TTC17: variants seen among roughly 807,000 people sequenced by gnomAD.
TTC17 encodes the protein tetratricopeptide repeat protein 17.
TTC17 carries 58 observed loss-of-function variants against 143.8 expected under a neutral mutation model. That is an observed-to-expected ratio of 0.40 (90% confidence interval 0.33 to 0.50). The LOEUF is 0.50. Ranked by LOEUF, TTC17 falls within the 20% of genes least tolerant of loss-of-function variation. The pLI is 0.49. For synonymous variants in TTC17, 501 were observed against 497.8 expected (o/e 1.01, Z -0.09); for missense variants, 1,273 against 1,392.5 (o/e 0.91, Z 1.37).
At chr11:43,458,430 A>G (rs914071938) in intron 21 of TTC17, among the ~76,000 whole-genome samples, 8 of 152,204 alleles carry the variant, frequency 5.3e-5, no homozygotes, top group Non-Finnish European at 7.3e-5. Flanking sequence ...CAAAGCCTAG[A>G]AACTCATAGA....
rs1402547685 is a variant in TTC17 at position 43,492,142 on chromosome 11, G to A, written c.3273G>A (p.Leu1091=). 6.2e-7 allele frequency: 1 copy of A among 1,613,896 alleles called. No homozygotes were observed. Among genetic ancestry groups the A allele is most frequent in the East Asian group, 2.2e-5 (1 of 44,880 alleles). ...ACTTTGCTGTGAACCACTTCACTCT[G>A]GGCAATGTCTACGTGGCAATGGTGA... The part of the protein sequence containing the change: ...APHFAVNHFT[L]GNVYVAMEEF... Residue 1091 remains leucine (L), a synonymous_variant, in exon 23 of 24, where the codon CTG becomes CTA. Coordinates refer to ENST00000039989, the MANE Select transcript of TTC17 (RefSeq NM_018259.6).
rs376602366 is a variant in TTC17 at position 43,443,426 on chromosome 11, G to A, written c.2353G>A (p.Ala785Thr). ...GGCTTTGGTGGATGAATTTCAACAG[G>A]CATGGCCTTTGGAAGGCTTTGGGGG... is the stretch of plus-strand genomic sequence containing the variant. ...ILALVDEFQQ[A>T]WPLEGFGGAL... The change falls in exon 17 of 24, where the codon GCA (alanine) becomes ACA (threonine). Residue 785 changes from alanine to threonine, a missense_variant. Coordinates refer to ENST00000039989, the MANE Select transcript of TTC17 (RefSeq NM_018259.6). 4.8e-5 allele frequency: 78 copies of A among 1,614,042 alleles called. 1 individual carries two copies. The highest frequency in any genetic ancestry group is 2.4e-4 in the African/African-American group (18 of 74,926).
rs73530629 is a variant in TTC17, at chr11:43,443,228, G to A, written c.2252-97G>A. The A allele has an allele frequency of 1.9e-3, 2,739 of 1,469,076 alleles. 48 individuals are homozygous for A. The African/African-American group carries it at 0.033, about 18-fold the overall frequency. The allele number at this position is 1,469,076 out of a possible 1,614,324, so 91.0% of individuals were successfully genotyped here. The stretch of plus-strand genomic sequence containing the variant: ...TGGGCTATAGTAGTGCCTCTAAGCA[G>A]AGCCAAAACGTTTCTCCAAAAGCAG... On this transcript the variant is annotated intron_variant, in intron 16 of 23. Coordinates refer to ENST00000039989, the MANE Select transcript of TTC17 (RefSeq NM_018259.6).
intron 21 of TTC17, among the ~76,000 whole-genome samples, chr11:43,451,646 T>C (rs1202854836): frequency 6.6e-6 from 1 of 152,228 alleles, no homozygotes; most frequent in East Asian, 1.9e-4. Flanking sequence ...CTTTGAAATG[T>C]CTTTTCTCTT....
chr11:43,391,589 C>A lies in TTC17; in HGVS notation c.531+13C>A. Reference sequence around the variant, plus strand: ...TCAGCACTTGAGAGTAAGTAGAGAACTTTAGGATTTTTTTTTTTTTGCGTT... The same window carrying A: ...TCAGCACTTGAGAGTAAGTAGAGAAATTTAGGATTTTTTTTTTTTTGCGTT... On this transcript the variant is annotated intron_variant, in intron 4 of 23. Transcript: ENST00000039989. 7.0e-7 allele frequency: 1 copy of A among 1,433,996 alleles called. No homozygotes were observed. Among genetic ancestry groups the A allele is most frequent in the Non-Finnish European group, 9.3e-7 (1 of 1,076,632 alleles). 88.8% of individuals were successfully genotyped at this position (1,433,996 alleles called of 1,614,324 possible). A position where few individuals can be genotyped will look rare whatever the true frequency, so the allele number is the denominator to read the frequency against.
chr11:43,418,111 T>G (rs1319900639), intron 16 of TTC17, among the ~76,000 whole-genome samples: 1 of 152,256 alleles, frequency 6.6e-6, no homozygotes, highest in Non-Finnish European at 1.5e-5. Context: ...AAAAAAATTT[T>G]TTTGTACTTA....
At chr11:43,398,863 A>ACCTTTTTACT (rs1857726550) in intron 8 of TTC17, among the ~76,000 whole-genome samples, 1 of 152,194 alleles carries the variant, frequency 6.6e-6, no homozygotes, top group South Asian at 2.1e-4. Context: ...TTAAGGCATA[A>ACCTTTTTACT]TGTGGTAGGA....
intron 2 of TTC17, among the ~76,000 whole-genome samples, chr11:43,383,608 G>A (rs10838098): frequency 0.31 from 46,070 of 151,004 alleles, 8,162 homozygotes; most frequent in East Asian, 0.47. Context: ...AGGTGGATCC[G>A]CCCACCTTGG....
chr11:43,429,132 G>C (rs1160396276), intron 16 of TTC17, among the ~76,000 whole-genome samples: 5 of 152,136 alleles, frequency 3.3e-5, no homozygotes, highest in Non-Finnish European at 7.4e-5. Context: ...CAGCAACCTA[G>C]GTTTCACCCA....
chr11:43,391,806 T>G lies in TTC17; in HGVS notation c.532-15T>G, dbSNP rs201649776. On this transcript the variant is annotated splice_polypyrimidine_tract_variant and intron_variant, in intron 4 of 23. Coordinates refer to ENST00000039989, the MANE Select transcript of TTC17 (RefSeq NM_018259.6). ...ATCCTTTGATATGTCTTTTGAATCT[T>G]TTTCTTCTCTTCAGGGTGTACAGGA... The G allele has an allele frequency of 1.2e-6, 2 of 1,608,660 alleles. No individual in the cohort carries two copies. Among genetic ancestry groups the G allele is most frequent in the Non-Finnish European group, 1.7e-6 (2 of 1,178,842 alleles).
chr11:43,452,837 C>T (rs975106129), intron 21 of TTC17, among the ~76,000 whole-genome samples: 6 of 151,292 alleles, frequency 4.0e-5, no homozygotes, highest in South Asian at 2.1e-4. Flanking sequence ...GTGGAAGGAT[C>T]GCTTGAGCCC....
chr11:43,455,204 C>A (rs1175028204), intron 21 of TTC17, among the ~76,000 whole-genome samples: 1 of 151,538 alleles, frequency 6.6e-6, no homozygotes, highest in Non-Finnish European at 1.5e-5. Context: ...CTTGAAGATA[C>A]ATGAAAACAA....
intron 8 of TTC17, among the ~76,000 whole-genome samples, chr11:43,399,463 C>G (rs113865340): frequency 6.6e-6 from 1 of 152,004 alleles, no homozygotes; most frequent in Non-Finnish European, 1.5e-5. Flanking sequence ...TCACTTGATG[C>G]CAGGAGTTCA....
At chr11:43,386,113 A>C (rs1164524630) in intron 2 of TTC17, among the ~76,000 whole-genome samples, 1 of 152,126 alleles carries the variant, frequency 6.6e-6, no homozygotes, top group East Asian at 1.9e-4. Flanking sequence ...TAGACTTTTT[A>C]TAAATGATAT....
chr11:43,463,797 C>T (rs1947916124), intron 21 of TTC17, among the ~76,000 whole-genome samples: 1 of 152,066 alleles, frequency 6.6e-6, no homozygotes, highest in Non-Finnish European at 1.5e-5. Context: ...AGGATTTAAC[C>T]TAGAAGACAT....
intron 21 of TTC17, among the ~76,000 whole-genome samples, chr11:43,485,892 T>G (rs1006491356): frequency 3.3e-5 from 5 of 150,048 alleles, no homozygotes; most frequent in Admixed American, 2.0e-4. Flanking sequence ...TGTTTTTTTT[T>G]TTTTTTTTTT....
At chr11:43,453,979 C>T (rs1233886561) in intron 21 of TTC17, among the ~76,000 whole-genome samples, 2 of 152,170 alleles carry the variant, frequency 1.3e-5, no homozygotes, top group Non-Finnish European at 2.9e-5. Context: ...CTGGCAGCTA[C>T]AGCTCGCAAG....
At chr11:43,372,139 G>A (rs1003789436) in intron 1 of TTC17, among the ~76,000 whole-genome samples, 4 of 152,258 alleles carry the variant, frequency 2.6e-5, no homozygotes, top group African/African-American at 9.6e-5. Flanking sequence ...GGATGTGTAG[G>A]AACTCAGTCA....
At chr11:43,469,716 A>C (rs1477153794) in intron 21 of TTC17, among the ~76,000 whole-genome samples, 1 of 152,240 alleles carries the variant, frequency 6.6e-6, no homozygotes, top group Admixed American at 6.5e-5. Flanking sequence ...GGAATACCGC[A>C]TGAAAGAACT....
Sources: gnomAD v4.1 joint callset for allele counts (sites outside exome capture counted in the v4.1 genomes callset) on GRCh38, gnomAD v4.1.1 for gene constraint, MANE v1.5 for transcripts, NCBI Gene and HGNC (gene_info 2026-07-23, HGNC 2026-07-21) for gene names.